The following ALOX5 variants were observed in gnomAD, a reference collection of about 807,000 sequenced individuals.
ALOX5 encodes the protein arachidonate 5-lipoxygenase, also known as polyunsaturated fatty acid 5-lipoxygenase.
ALOX5 carries 64 observed loss-of-function variants against 87.9 expected under a neutral mutation model. The observed-to-expected ratio is 0.73, with a 90% CI of 0.60 to 0.90. The LOEUF (loss-of-function observed/expected upper bound fraction) is 0.90. Among genes scored for constraint, ALOX5 ranks in the 40% least tolerant of loss-of-function variants. The pLI, the probability that ALOX5 is intolerant of heterozygous loss-of-function variation, is 0.00. For synonymous variants in ALOX5, 388 were observed against 355.1 expected, an observed-to-expected ratio of 1.09 and a Z score of -1.04; for missense variants, 822 against 907.5, an observed-to-expected ratio of 0.91 and a Z score of 1.21.
In ALOX5 at chr10:45,440,709, C is replaced by T. The variant is rs1842207719; in HGVS notation, c.1185+76C>T. ...AGTGGGAGGGATCACTGACATCCCACAGGGGGACCTGTGGCTGGGAGTGGG... is the reference window on the plus strand; with the variant it reads ...AGTGGGAGGGATCACTGACATCCCATAGGGGGACCTGTGGCTGGGAGTGGG... On this transcript the variant is annotated intron_variant, in intron 8 of 13. Transcript: ENST00000374391. 6.7e-6 allele frequency: 10 copies of T among 1,501,394 alleles called. No individual in the cohort carries two copies. The East Asian group carries it at 2.1e-4, about 32-fold the overall frequency. The allele number at this position is 1,501,394 out of a possible 1,614,324, so 93.0% of individuals were successfully genotyped here. A position where few individuals can be genotyped will look rare whatever the true frequency, so the allele number is the denominator to read the frequency against.
chr10:45,384,423 G>A (rs1029741359), intron 2 of ALOX5, among the ~76,000 whole-genome samples: 1 of 152,164 alleles, frequency 6.6e-6, no homozygotes, highest in Non-Finnish European at 1.5e-5. Flanking sequence ...TTTTGTTCAT[G>A]CTCTTGCAGG....
intron 3 of ALOX5, among the ~76,000 whole-genome samples, chr10:45,397,847 A>T (rs1840566505): frequency 6.6e-6 from 1 of 152,230 alleles, no homozygotes; most frequent in South Asian, 2.1e-4. Flanking sequence ...AAGAAGATCT[A>T]AATAGGTTGA....
chr10:45,407,403 C>T (rs11239518), intron 3 of ALOX5, among the ~76,000 whole-genome samples: 19,819 of 143,186 alleles, frequency 0.14, 1,459 homozygotes, highest in Non-Finnish European at 0.16. Flanking sequence ...TTTTTTTTTT[C>T]CCCCCCACCT....
At chr10:45,395,811 A>G (rs1442499691) in intron 2 of ALOX5, 44 bp from the exon 3 acceptor site, 2 of 1,575,612 alleles carry the variant, frequency 1.3e-6, no homozygotes, top group Admixed American at 3.3e-5. Context: ...GGGCATTGTT[A>G]TTGTTCTTCC....
In ALOX5 at chr10:45,425,258, G is replaced by A. The variant is rs376104432; in HGVS notation, c.834+126G>A. 7.0e-6 allele frequency: 8 copies of A among 1,137,612 alleles called. No homozygotes were observed. In the East Asian group the frequency reaches 1.3e-4, roughly 19 times the overall value. The allele number at this position is 1,137,612 out of a possible 1,614,324, so 70.5% of individuals were successfully genotyped here. On this transcript the variant is annotated intron_variant, in intron 6 of 13. Coordinates refer to ENST00000374391, the MANE Select transcript of ALOX5 (RefSeq NM_000698.5). The surrounding 1 kb of genome is among the most constrained non-coding windows in gnomAD (Gnocchi z 4.4). ...CAGGCCCATCTGGCCTACAGCAGCC[G>A]CTTCCTTTTCCTGGCAGCAGTGTCA...
intron 2 of ALOX5, 104 bp downstream of exon 2, chr10:45,382,785 G>T: frequency 7.3e-7 from 1 of 1,367,232 alleles, no homozygotes; most frequent in African/African-American, 1.4e-5. Flanking sequence ...GCTGTGCAGG[G>T]GCGGGAAGTG....
chr10:45,437,404 A>G (rs1393701471), intron 7 of ALOX5, among the ~76,000 whole-genome samples: 1 of 152,216 alleles, frequency 6.6e-6, no homozygotes, highest in African/African-American at 2.4e-5. Context: ...TCTTGAGTGT[A>G]GAAAGTCAAA....
At chr10:45,409,319 T>A (rs1164335167) in intron 3 of ALOX5, among the ~76,000 whole-genome samples, 2 of 80,170 alleles carry the variant, frequency 2.5e-5, no homozygotes, top group Non-Finnish European at 4.5e-5. Context: ...CTTTGCTCAA[T>A]TAAACTGCTA....
intron 1 of ALOX5, among the ~76,000 whole-genome samples, chr10:45,381,773 GC>G (rs1839838861): frequency 6.6e-6 from 1 of 152,232 alleles, no homozygotes; most frequent in African/African-American, 2.4e-5. Flanking sequence ...CAAGGGCAGG[GC>G]CCAGGATTTG....
chr10:45,445,607 ATT>A lies in ALOX5; in HGVS notation c.1946_1947del (p.Ile649SerfsTer2). Reference sequence around the variant, plus strand: ...GAACCTCGAGGCCATTGTCAGCGTGATTGCTGAGCGCAACAAGAAGAAGCAGC... The same window carrying A: ...GAACCTCGAGGCCATTGTCAGCGTGAGCTGAGCGCAACAAGAAGAAGCAGC... ...RKNLEAIVSV[I>X]AERNKKKQLP... On this transcript the variant is annotated frameshift_variant, in exon 14 of 14. Coordinates refer to ENST00000374391, the MANE Select transcript of ALOX5 (RefSeq NM_000698.5). LOFTEE classifies it high-confidence loss of function. The A allele has an allele frequency of 6.2e-7, 1 of 1,614,150 alleles. No homozygotes were observed. Among genetic ancestry groups the A allele is most frequent in the Non-Finnish European group, 8.5e-7 (1 of 1,180,020 alleles).
intron 7 of ALOX5, among the ~76,000 whole-genome samples, chr10:45,436,885 A>G (rs150162515): frequency 1.1e-3 from 161 of 152,124 alleles, no homozygotes; most frequent in African/African-American, 3.7e-3. Flanking sequence ...TGTGTCATCT[A>G]TGATTTCTTT....
chr10:45,387,572 G>A (rs927543827), intron 2 of ALOX5, among the ~76,000 whole-genome samples: 1 of 152,204 alleles, frequency 6.6e-6, no homozygotes. Context: ...GGGCTGAGTG[G>A]AAGGTTAGGA....
chr10:45,420,901 C>T (rs142324341), intron 4 of ALOX5, among the ~76,000 whole-genome samples: 3 of 152,204 alleles, frequency 2.0e-5, no homozygotes, highest in Admixed American at 6.5e-5. Context: ...TGCAGAAATG[C>T]GGCCCGTCCT....
intron 13 of ALOX5, 78 bp downstream of exon 13, chr10:45,444,364 C>CG (rs1842364573): frequency 6.8e-7 from 1 of 1,460,036 alleles, no homozygotes; most frequent in African/African-American, 1.4e-5. Context: ...CTTTGTGACT[C>CG]GGGCCCCAAG....
intron 5 of ALOX5, among the ~76,000 whole-genome samples, chr10:45,424,492 T>C (rs1841621813): frequency 6.6e-6 from 1 of 152,202 alleles, no homozygotes; most frequent in Admixed American, 6.5e-5. Context: ...GTGTTTTAGG[T>C]ATTTACACAA....
intron 1 of ALOX5, among the ~76,000 whole-genome samples, chr10:45,380,620 T>TC (rs1049482148): frequency 4.6e-5 from 7 of 152,158 alleles, no homozygotes; most frequent in African/African-American, 1.4e-4. Context: ...GGGATAAAGT[T>TC]CAAGGGTTGA....
At chr10:45,420,247 A>G (rs551287225) in intron 4 of ALOX5, among the ~76,000 whole-genome samples, 2 of 152,340 alleles carry the variant, frequency 1.3e-5, no homozygotes, top group East Asian at 1.9e-4. Context: ...GATGTGTCCC[A>G]TTGTAAAATA....
chr10:45,416,649 T>C (rs1841296893), intron 4 of ALOX5, among the ~76,000 whole-genome samples: 2 of 152,068 alleles, frequency 1.3e-5, no homozygotes, highest in East Asian at 3.9e-4. Flanking sequence ...GGAGGAATAC[T>C]GGACAGATGG....
chr10:45,396,654 T>C (rs975162799), intron 3 of ALOX5, among the ~76,000 whole-genome samples: 2 of 152,196 alleles, frequency 1.3e-5, no homozygotes, highest in African/African-American at 4.8e-5. Context: ...CTATCAAACA[T>C]TTAAAGAATT....
Sources: allele counts gnomAD v4.1 joint callset (sites outside exome capture counted in the v4.1 genomes callset), GRCh38; gene constraint gnomAD v4.1.1; non-coding constraint Gnocchi (gnomAD v3.1); transcripts MANE v1.5; gene names NCBI Gene and HGNC (gene_info 2026-07-23, HGNC 2026-07-21).